The following UBAC2 variants were observed in gnomAD, a reference collection of about 807,000 sequenced individuals.
The protein encoded by UBAC2 is UBA domain containing 2.
In UBAC2, 26 loss-of-function variants were observed where a neutral mutation model predicts 44.0. That is an observed-to-expected ratio of 0.59 (90% CI 0.43 to 0.82). UBAC2 has a LOEUF of 0.82. Among genes scored for constraint, UBAC2 ranks in the 40% least tolerant of loss-of-function variants. The probability of loss-of-function intolerance (pLI) is 0.00; values close to 1 mark genes in which losing one functional copy is unlikely to be tolerated. For missense variants in UBAC2, 329 were observed against 419.4 expected (o/e 0.78, Z 1.88); for synonymous variants, 155 against 154.3 (o/e 1.00, Z -0.04).
At chr13:99,230,693 G>C (rs2043162181) in intron 1 of UBAC2, among the ~76,000 whole-genome samples, 1 of 152,088 alleles carries the variant, frequency 6.6e-6, no homozygotes, top group Non-Finnish European at 1.5e-5. Flanking sequence ...AGGGTGACTG[G>C]TGGACTCTTT....
rs749880572 is a variant in UBAC2, at chr13:99,255,796, A to G, written c.389+11172A>G. 3.1e-6 allele frequency: 5 copies of G among 1,612,376 alleles called. No homozygotes were observed. In the East Asian group the frequency reaches 8.9e-5, roughly 29 times the overall value. ...TATGAAGATACAGCTATAGAAGACA[A>G]GGGCTGCAATTTTGTATTCATCTGG... On this transcript the variant is annotated intron_variant, in intron 4 of 8. Coordinates refer to ENST00000403766, the MANE Select transcript of UBAC2 (RefSeq NM_001144072.2).
chr13:99,383,482 A>G (rs1406192776), intron 8 of UBAC2, among the ~76,000 whole-genome samples: 1 of 152,186 alleles, frequency 6.6e-6, no homozygotes, highest in African/African-American at 2.4e-5. Flanking sequence ...TACGCTGTCC[A>G]CCAGCCCTGG....
At chr13:99,238,640 G>T (rs2043267140) in intron 2 of UBAC2, 86 bp downstream of exon 2, 2 of 1,237,814 alleles carry the variant, frequency 1.6e-6, no homozygotes, top group African/African-American at 1.5e-5. Flanking sequence ...CCTGCTGTTA[G>T]TCCCTCAAAG....
At chr13:99,203,405 G>A (rs1020812188) in intron 1 of UBAC2, among the ~76,000 whole-genome samples, 1 of 152,232 alleles carries the variant, frequency 6.6e-6, no homozygotes, top group Non-Finnish European at 1.5e-5. Flanking sequence ...CTGAAAGAAG[G>A]ACGACACGTG....
At chr13:99,201,752 C>T (rs1277652583) in intron 1 of UBAC2, among the ~76,000 whole-genome samples, 1 of 152,078 alleles carries the variant, frequency 6.6e-6, no homozygotes, top group Non-Finnish European at 1.5e-5. Context: ...TGCTGGAGGA[C>T]AGAAACATCT....
At chr13:99,261,186 C>G (rs1175033144) in intron 4 of UBAC2, among the ~76,000 whole-genome samples, 1 of 152,172 alleles carries the variant, frequency 6.6e-6, no homozygotes, top group African/African-American at 2.4e-5. Flanking sequence ...TGTTACTGTT[C>G]ATGTATCCCA....
At chr13:99,274,452 GTAGC>G (rs997312728) in intron 4 of UBAC2, among the ~76,000 whole-genome samples, 2 of 151,502 alleles carry the variant, frequency 1.3e-5, no homozygotes, top group African/African-American at 4.9e-5. Flanking sequence ...AGCCTCCCCA[GTAGC>G]TGAGACTACA....
chr13:99,379,286 G>A (rs1472084270), intron 8 of UBAC2, among the ~76,000 whole-genome samples: 1 of 152,212 alleles, frequency 6.6e-6, no homozygotes, highest in Non-Finnish European at 1.5e-5. Flanking sequence ...ATTAGCTGTA[G>A]TTGTGTCTTT....
At chr13:99,381,700 C>T (rs1458559805) in intron 8 of UBAC2, among the ~76,000 whole-genome samples, 4 of 152,166 alleles carry the variant, frequency 2.6e-5, no homozygotes, top group Non-Finnish European at 5.9e-5. Context: ...GAGAGTTTTC[C>T]TTCCACATGA....
Position 99,200,925 on chromosome 13 carries a change from G to T in UBAC2, c.17G>T (p.Gly6Val). ...GGCGGGACCATGTTCACCAGCACCG[G>T]CTCCAGTGGGCTCTGTGAGTACCGG... Reference protein sequence around the residue: MFTSTGSSGLYKAPLS... With the variant: MFTSTVSSGLYKAPLS... Residue 6 changes from glycine to valine, a missense_variant, in exon 1 of 9, where the codon GGC (glycine) becomes GTC (valine). Coordinates refer to ENST00000403766, the MANE Select transcript of UBAC2 (RefSeq NM_001144072.2). 1 of 1,304,982 alleles carries T rather than the reference G, an allele frequency of 7.7e-7. No homozygotes were observed. The highest frequency in any genetic ancestry group is 9.8e-7 in the Non-Finnish European group (1 of 1,018,682). The allele number at this position is 1,304,982 out of a possible 1,614,324, so 80.8% of individuals were successfully genotyped here.
intron 2 of UBAC2, among the ~76,000 whole-genome samples, chr13:99,243,607 A>T (rs2043346690): frequency 6.6e-6 from 1 of 152,178 alleles, no homozygotes; most frequent in Admixed American, 6.5e-5. Context: ...GTTTTCTTAT[A>T]AGCACAAAAA....
chr13:99,296,533 T>C (rs2138720082), intron 4 of UBAC2, among the ~76,000 whole-genome samples: 1 of 152,326 alleles, frequency 6.6e-6, no homozygotes, highest in Non-Finnish European at 1.5e-5. Context: ...TCTGGTTAAG[T>C]AAAGCACCCC....
chr13:99,258,731 A>C (rs2043611855), intron 4 of UBAC2: 1 of 152,166 alleles, frequency 6.6e-6, no homozygotes, highest in Non-Finnish European at 1.5e-5. Flanking sequence ...GTTGAAATAG[A>C]GATAATACTA....
At chr13:99,328,393 A>G (rs1453469207) in intron 6 of UBAC2, among the ~76,000 whole-genome samples, 1 of 152,208 alleles carries the variant, frequency 6.6e-6, no homozygotes, top group Non-Finnish European at 1.5e-5. Flanking sequence ...TGGTAAGTGT[A>G]TATTTGACAT....
intron 4 of UBAC2, among the ~76,000 whole-genome samples, chr13:99,310,766 G>A (rs965913674): frequency 5.3e-5 from 8 of 152,002 alleles, no homozygotes; most frequent in East Asian, 3.8e-4. Context: ...TTTAGTTTAC[G>A]TTGAAATGTA....
chr13:99,225,923 G>C (rs1001098367), intron 1 of UBAC2, among the ~76,000 whole-genome samples: 1 of 152,192 alleles, frequency 6.6e-6, no homozygotes, highest in East Asian at 1.9e-4. Context: ...TGGTGTATCA[G>C]TTTGAATCAT....
At chr13:99,237,634 C>T (rs569429030) in intron 1 of UBAC2, among the ~76,000 whole-genome samples, 1 of 152,336 alleles carries the variant, frequency 6.6e-6, no homozygotes, top group East Asian at 1.9e-4. Context: ...GAGAATAATT[C>T]AGCCTAAAGA....
At chr13:99,209,213 A>G (rs2042911020) in intron 1 of UBAC2, among the ~76,000 whole-genome samples, 1 of 152,160 alleles carries the variant, frequency 6.6e-6, no homozygotes, top group Non-Finnish European at 1.5e-5. Context: ...CCCCTACCTC[A>G]GCTTGGTATG....
Position 99,386,130 on chromosome 13 carries a change from T to A in UBAC2, c.*795T>A, listed in dbSNP as rs570108810. 24 of 152,364 alleles carry A rather than the reference T, an allele frequency of 1.6e-4. No individual in the cohort carries two copies. The highest frequency in any genetic ancestry group is 5.8e-4 in the African/African-American group (24 of 41,570). The allele number at this position is 152,364 out of a possible 1,614,324, so 9.4% of individuals were successfully genotyped here. ...AAACGATCCCTTGCCTGCCCCTCCC[T>A]GTGGCAGGGCTAACTGCCTGGCCCT... On this transcript the variant is annotated 3_prime_UTR_variant, in exon 9 of 9. Coordinates refer to ENST00000403766, the MANE Select transcript of UBAC2 (RefSeq NM_001144072.2).
Sources: allele counts gnomAD v4.1 joint callset (sites outside exome capture counted in the v4.1 genomes callset), GRCh38; gene constraint gnomAD v4.1.1; transcripts MANE v1.5; gene names NCBI Gene and HGNC (gene_info 2026-07-23, HGNC 2026-07-21).